Variants in TMEM132D observed in about 807,000 individuals in gnomAD.
TMEM132D encodes the protein mature OL transmembrane protein.
TMEM132D carries 21 observed loss-of-function variants against 62.3 expected under a neutral mutation model. The observed-to-expected ratio is 0.34, with a 90% confidence interval of 0.24 to 0.49. TMEM132D has a LOEUF of 0.49. TMEM132D is among the 20% of genes least tolerant of loss of function. The pLI is 0.99. For missense variants in TMEM132D, 1,346 were observed against 1,402.8 expected, an observed-to-expected ratio of 0.96 and a Z score of 0.65; for synonymous variants, 621 against 575.6, an observed-to-expected ratio of 1.08 and a Z score of -1.13.
At chr12:129,150,308 C>T (rs992817653) in intron 5 of TMEM132D, among the ~76,000 whole-genome samples, 2 of 152,186 alleles carry the variant, frequency 1.3e-5, no homozygotes, top group Non-Finnish European at 1.5e-5. Context: ...CCTAGAACAG[C>T]GACGAACAGG....
chr12:129,558,622 C>T (rs1243575401), intron 2 of TMEM132D, among the ~76,000 whole-genome samples: 2 of 152,138 alleles, frequency 1.3e-5, no homozygotes, highest in Admixed American at 6.5e-5. Context: ...TAACCCAGGA[C>T]CACACGGGAA....
intron 3 of TMEM132D, among the ~76,000 whole-genome samples, chr12:129,495,657 A>G (rs1874929350): frequency 6.6e-6 from 1 of 152,170 alleles, no homozygotes; most frequent in South Asian, 2.1e-4. Flanking sequence ...ACTCCCCTCC[A>G]ACACTGGGAG....
rs1490736749 is a variant in TMEM132D, at chr12:129,166,738, T to C, written c.1443+42782A>G. Among the ~76,000 whole-genome samples the C allele has an allele frequency of 4.9e-3, 669 of 136,216 alleles. 7 individuals are homozygous for C. The highest frequency in any genetic ancestry group is 0.017 in the African/African-American group (591 of 35,528). The allele number at this position is 136,216 out of a possible 152,430, so 89.4% of individuals were successfully genotyped here. A position where few individuals can be genotyped will look rare whatever the true frequency, so the allele number is the denominator to read the frequency against. On this transcript the variant is annotated intron_variant, in intron 5 of 8. Coordinates refer to ENST00000422113, the MANE Select transcript of TMEM132D (RefSeq NM_133448.3). ...ATATACACACACACACATATATATA[T>C]ATACACATATACATACACACACACA...
intron 1 of TMEM132D, among the ~76,000 whole-genome samples, chr12:129,836,941 C>G (rs1214492255): frequency 6.6e-6 from 1 of 152,168 alleles, no homozygotes; most frequent in Non-Finnish European, 1.5e-5. Context: ...ATCTATCCCT[C>G]TAATTGATTC....
intron 1 of TMEM132D, among the ~76,000 whole-genome samples, chr12:129,816,837 G>A (rs1034212521): frequency 3.3e-5 from 5 of 152,242 alleles, no homozygotes; most frequent in East Asian, 1.9e-4. Context: ...GTTCTCATGC[G>A]TGAATGAATA....
At chr12:129,531,769 C>G (rs1048801280) in intron 2 of TMEM132D, among the ~76,000 whole-genome samples, 1 of 152,164 alleles carries the variant, frequency 6.6e-6, no homozygotes, top group Non-Finnish European at 1.5e-5. Context: ...AAAGTGGGAG[C>G]TACTGCGCCC....
intron 3 of TMEM132D, among the ~76,000 whole-genome samples, chr12:129,406,064 T>C (rs1039540746): frequency 1.3e-5 from 2 of 152,212 alleles, no homozygotes; most frequent in East Asian, 1.9e-4. Flanking sequence ...CACACATTCA[T>C]TTCATGATGA....
chr12:129,501,405 T>C (rs761490446), intron 3 of TMEM132D, among the ~76,000 whole-genome samples: 1 of 152,216 alleles, frequency 6.6e-6, no homozygotes, highest in Non-Finnish European at 1.5e-5. Context: ...AGAGATGTGC[T>C]CATTTCTCAT....
intron 5 of TMEM132D, among the ~76,000 whole-genome samples, chr12:129,185,773 G>GTCTATCTATCTATCTATCTATCTA (rs1555235284): frequency 4.4e-5 from 6 of 135,924 alleles, no homozygotes; most frequent in Non-Finnish European, 9.6e-5. Flanking sequence ...CTGTCTGTCT[G>GTCTATCTATCTATCTATCTATCTA]TCTATCTATC....
At chr12:129,464,764 C>A (rs1873825080) in intron 3 of TMEM132D, among the ~76,000 whole-genome samples, 1 of 152,062 alleles carries the variant, frequency 6.6e-6, no homozygotes, top group Non-Finnish European at 1.5e-5. Context: ...TCGGGTTTGT[C>A]AAAGATCAGA....
intron 2 of TMEM132D, among the ~76,000 whole-genome samples, chr12:129,674,017 A>G (rs1718609500): frequency 6.6e-6 from 1 of 152,194 alleles, no homozygotes; most frequent in African/African-American, 2.4e-5. Flanking sequence ...CAGTTTGCAG[A>G]TGACACATGA....
chr12:129,835,120 C>T (rs1380421903), intron 1 of TMEM132D, among the ~76,000 whole-genome samples: 1 of 152,104 alleles, frequency 6.6e-6, no homozygotes, highest in Admixed American at 6.5e-5. Flanking sequence ...ATAGCAAAGG[C>T]ATTAGGATCG....
intron 1 of TMEM132D, among the ~76,000 whole-genome samples, chr12:129,791,510 G>C (rs1437071195): frequency 6.6e-6 from 1 of 152,054 alleles, no homozygotes; most frequent in Non-Finnish European, 1.5e-5. Context: ...CAACAGAGGT[G>C]GTGAAAAAAT....
At chr12:129,240,361 C>G (rs1879904365) in intron 4 of TMEM132D, among the ~76,000 whole-genome samples, 1 of 152,092 alleles carries the variant, frequency 6.6e-6, no homozygotes. Flanking sequence ...TTGAATATCC[C>G]CCCACAGTGG....
chr12:129,529,332 C>A (rs537010619), intron 3 of TMEM132D, among the ~76,000 whole-genome samples: 1 of 152,308 alleles, frequency 6.6e-6, no homozygotes, highest in African/African-American at 2.4e-5. Flanking sequence ...TAAATGGCAT[C>A]CACCATGCAT....
At chr12:129,626,629 G>GTATT (rs1879224505) in intron 2 of TMEM132D, among the ~76,000 whole-genome samples, 1 of 151,970 alleles carries the variant, frequency 6.6e-6, no homozygotes, top group Non-Finnish European at 1.5e-5. Flanking sequence ...CACTAATTTT[G>GTATT]TATTTTTAGT....
intron 1 of TMEM132D, among the ~76,000 whole-genome samples, chr12:129,862,346 A>G (rs2137369249): frequency 6.6e-6 from 1 of 152,250 alleles, no homozygotes; most frequent in East Asian, 1.9e-4. Context: ...GGGCTGGCTG[A>G]GGATTTCCAT....
At chr12:129,238,911 C>T (rs1879857665) in intron 4 of TMEM132D, among the ~76,000 whole-genome samples, 2 of 151,744 alleles carry the variant, frequency 1.3e-5, no homozygotes, top group Non-Finnish European at 2.9e-5. Flanking sequence ...CTGTTTTCCA[C>T]AAAAGCAGTA....
At chr12:129,113,541 A>G (rs1280569407) in intron 5 of TMEM132D, among the ~76,000 whole-genome samples, 2 of 152,234 alleles carry the variant, frequency 1.3e-5, no homozygotes, top group Non-Finnish European at 2.9e-5. Context: ...AATGACAATC[A>G]GTAATAAGAT....
Sources: gnomAD v4.1 joint callset for allele counts (sites outside exome capture counted in the v4.1 genomes callset) on GRCh38, gnomAD v4.1.1 for gene constraint, MANE v1.5 for transcripts, NCBI Gene and HGNC (gene_info 2026-07-23, HGNC 2026-07-21) for gene names.